The following SCN8A variants were observed in gnomAD, a reference collection of about 807,000 sequenced individuals.
SCN8A encodes the protein sodium channel protein type 8 subunit alpha.
SCN8A carries 30 observed loss-of-function variants against 184.1 expected under a neutral mutation model. The observed-to-expected ratio is 0.16, with a 90% CI of 0.12 to 0.22. SCN8A has a LOEUF of 0.22. Among genes scored for constraint, SCN8A ranks in the 10% least tolerant of loss-of-function variants. The pLI is 1.00. For synonymous variants in SCN8A, 852 were observed against 907.0 expected (o/e 0.94, Z 1.09); for missense variants, 1,057 against 2,498.9 (o/e 0.42, Z 12.30).
intron 1 of SCN8A, among the ~76,000 whole-genome samples, chr12:51,625,766 G>T (rs935200350): frequency 1.3e-5 from 2 of 152,176 alleles, no homozygotes; most frequent in Non-Finnish European, 2.9e-5. Flanking sequence ...TTGTTGAGTG[G>T]TAGAAGTTTT....
In SCN8A at chr12:51,809,012, T is replaced by C. The variant is rs1938805169; in HGVS notation, c.*1583T>C. 6.6e-6 allele frequency: 1 copy of C among 152,356 alleles called. No homozygotes were observed. Among genetic ancestry groups the C allele is most frequent in the South Asian group, 2.1e-4 (1 of 4,832 alleles). The allele number at this position is 152,356 out of a possible 1,614,324, so 9.4% of individuals were successfully genotyped here. On this transcript the variant is annotated 3_prime_UTR_variant, in exon 27 of 27. Coordinates refer to ENST00000627620, the MANE Select transcript of SCN8A (RefSeq NM_001330260.2). ...AGCCCACTTGGTTTCTTTACTGCACTGGTTTTCATGAGAAAGCAATTTAAT... is the reference window on the plus strand; with the variant it reads ...AGCCCACTTGGTTTCTTTACTGCACCGGTTTTCATGAGAAAGCAATTTAAT...
chr12:51,721,434 C>A, intron 11 of SCN8A, 112 bp from the exon 12 acceptor site: 2 of 1,112,062 alleles, frequency 1.8e-6, no homozygotes, highest in Non-Finnish European at 2.5e-6. Context: ...GTTCTGATCA[C>A]AGGAGTGCGA....
chr12:51,745,839 AG>A, intron 12 of SCN8A, 63 bp from the exon 13 acceptor site: 1 of 1,371,324 alleles, frequency 7.3e-7, no homozygotes. Context: ...GTATCAAGTA[AG>A]GCCCAGATTT....
intron 1 of SCN8A, among the ~76,000 whole-genome samples, chr12:51,607,604 T>C (rs1939623501): frequency 6.6e-6 from 1 of 152,196 alleles, no homozygotes; most frequent in African/African-American, 2.4e-5. Context: ...GGTCTGTCCC[T>C]TGTATGCCGA....
intron 1 of SCN8A, among the ~76,000 whole-genome samples, chr12:51,617,713 C>T (rs1298585959): frequency 6.6e-6 from 1 of 152,168 alleles, no homozygotes; most frequent in African/African-American, 2.4e-5. Flanking sequence ...TTGTTTAAAT[C>T]ATATAGAGAA....
chr12:51,626,035 G>C (rs910835244), intron 1 of SCN8A, among the ~76,000 whole-genome samples: 1 of 152,162 alleles, frequency 6.6e-6, no homozygotes, highest in African/African-American at 2.4e-5. Flanking sequence ...ACACAGGGCC[G>C]CAGAGGGAAG....
intron 26 of SCN8A, among the ~76,000 whole-genome samples, chr12:51,802,780 C>T (rs929253719): frequency 3.9e-5 from 6 of 152,166 alleles, no homozygotes; most frequent in Admixed American, 6.5e-5. Flanking sequence ...CTCTCAAGAA[C>T]GACGAATCAG....
At chr12:51,638,675 C>T (rs140984209) in intron 1 of SCN8A, among the ~76,000 whole-genome samples, 5,076 of 151,876 alleles carry the variant, frequency 0.033, 261 homozygotes, top group African/African-American at 0.11. Context: ...TTAGTAGAGA[C>T]GGGGTTTCAC....
At chr12:51,726,194 C>G (rs1297878978) in intron 12 of SCN8A, among the ~76,000 whole-genome samples, 1 of 152,158 alleles carries the variant, frequency 6.6e-6, no homozygotes, top group Non-Finnish European at 1.5e-5. Flanking sequence ...TTTGCTGAAG[C>G]AGAAGATAAA....
chr12:51,652,536 G>A (rs534197641), intron 1 of SCN8A, among the ~76,000 whole-genome samples: 55 of 152,114 alleles, frequency 3.6e-4, no homozygotes, highest in Non-Finnish European at 5.4e-4. Context: ...AGGGCTTTGC[G>A]TTCCTGATGT....
intron 13 of SCN8A, 108 bp downstream of exon 13, chr12:51,746,143 G>A: frequency 1.9e-6 from 2 of 1,063,458 alleles, no homozygotes; most frequent in Non-Finnish European, 2.6e-6. Flanking sequence ...CTGTCTCTGA[G>A]CTTTAGGAAT....
At chr12:51,763,357 G>A (rs1862314675) in intron 15 of SCN8A, among the ~76,000 whole-genome samples, 1 of 152,186 alleles carries the variant, frequency 6.6e-6, no homozygotes, top group South Asian at 2.1e-4. Flanking sequence ...TGTGTTAGAT[G>A]ATTTTGGCCA....
chr12:51,734,428 G>A (rs1198579225), intron 12 of SCN8A, among the ~76,000 whole-genome samples: 3 of 152,240 alleles, frequency 2.0e-5, no homozygotes, highest in Non-Finnish European at 4.4e-5. Flanking sequence ...GGGAAAAGAA[G>A]GGAAGGGCCA....
intron 2 of SCN8A, among the ~76,000 whole-genome samples, chr12:51,673,714 G>T (rs1013430301): frequency 6.6e-6 from 1 of 152,204 alleles, no homozygotes; most frequent in Non-Finnish European, 1.5e-5. Context: ...TTGCTAAGCT[G>T]AGAAAATCAT....
chr12:51,608,525 G>A (rs191834256), intron 1 of SCN8A, among the ~76,000 whole-genome samples: 4 of 152,150 alleles, frequency 2.6e-5, no homozygotes, highest in African/African-American at 4.8e-5. Flanking sequence ...GTTTATGTGC[G>A]TAAAAGTGTT....
intron 11 of SCN8A, among the ~76,000 whole-genome samples, chr12:51,714,042 A>C (rs938379598): frequency 1.3e-5 from 2 of 152,116 alleles, no homozygotes; most frequent in African/African-American, 4.8e-5. Flanking sequence ...AACAGTTGAA[A>C]TATCATACTG....
At chr12:51,775,597 T>A (rs1331302028) in intron 20 of SCN8A, among the ~76,000 whole-genome samples, 1 of 152,124 alleles carries the variant, frequency 6.6e-6, no homozygotes, top group East Asian at 1.9e-4. Flanking sequence ...GTTGATACCA[T>A]CCTGTGGTGG....
chr12:51,642,427 A>G (rs1940475558), intron 1 of SCN8A, among the ~76,000 whole-genome samples: 1 of 152,210 alleles, frequency 6.6e-6, no homozygotes, highest in Non-Finnish European at 1.5e-5. Flanking sequence ...TGCTACACAA[A>G]TATGAGGTTG....
At chr12:51,655,295 T>A in intron 1 of SCN8A, among the ~76,000 whole-genome samples, 1 of 152,222 alleles carries the variant, frequency 6.6e-6, no homozygotes, top group Non-Finnish European at 1.5e-5. Flanking sequence ...CTGGTTTTCT[T>A]TTCCTCTTTC....
Sources: allele counts gnomAD v4.1 joint callset (sites outside exome capture counted in the v4.1 genomes callset), GRCh38; gene constraint gnomAD v4.1.1; transcripts MANE v1.5; gene names NCBI Gene and HGNC (gene_info 2026-07-23, HGNC 2026-07-21).